NFE2L2: variants seen among roughly 807,000 people sequenced by gnomAD.
NFE2L2 encodes nuclear factor erythroid 2-related factor 2.
A neutral mutation model predicts 49.6 loss-of-function variants in NFE2L2; 20 were observed. The observed-to-expected ratio is 0.40, with a 90% CI of 0.28 to 0.59. NFE2L2 has a LOEUF of 0.59. Ranked by LOEUF, NFE2L2 falls within the 20% of genes least tolerant of loss-of-function variation. NFE2L2 has a pLI of 0.40. For missense variants in NFE2L2, 578 were observed against 714.2 expected (o/e 0.81, Z 2.17); for synonymous variants, 244 against 256.5 (o/e 0.95, Z 0.47).
chr2:177,248,641 T>C (rs542224266), intron 1 of NFE2L2, among the ~76,000 whole-genome samples: 3 of 152,334 alleles, frequency 2.0e-5, no homozygotes, highest in African/African-American at 7.2e-5. Context: ...TCTCCTCACC[T>C]TAGGTGATCC....
intron 1 of NFE2L2, among the ~76,000 whole-genome samples, chr2:177,259,765 T>C (rs1690662371): frequency 6.6e-6 from 1 of 152,072 alleles, no homozygotes. Context: ...ACCCCATCTC[T>C]ACTAAAAATA....
intron 1 of NFE2L2, among the ~76,000 whole-genome samples, chr2:177,237,881 T>C (rs934940082): frequency 6.6e-6 from 1 of 152,194 alleles, no homozygotes; most frequent in African/African-American, 2.4e-5. Context: ...TCTAGATACA[T>C]AGCAGGGTAT....
At chr2:177,261,170 C>CAAAAAAAAA (rs59040355) in intron 1 of NFE2L2, among the ~76,000 whole-genome samples, 12 of 120,038 alleles carry the variant, frequency 1.0e-4, no homozygotes, top group South Asian at 2.9e-4. Context: ...GACTTCATCT[C>CAAAAAAAAA]AAAAAAAAAA....
intron 1 of NFE2L2, among the ~76,000 whole-genome samples, chr2:177,264,146 C>G (rs1051766705): frequency 9.2e-5 from 14 of 152,022 alleles, no homozygotes; most frequent in Non-Finnish European, 1.3e-4. Context: ...CGCGCCGGCT[C>G]AGACGGCCAG....
At chr2:177,263,514 A>C (rs914085767) in intron 1 of NFE2L2, 40 of 985,404 alleles carry the variant, frequency 4.1e-5, no homozygotes, top group South Asian at 4.7e-5. Context: ...TGCGCAACAG[A>C]TCAACAGCTC....
At chr2:177,249,445 G>A (rs1026933065) in intron 1 of NFE2L2, among the ~76,000 whole-genome samples, 1 of 152,120 alleles carries the variant, frequency 6.6e-6, no homozygotes, top group Non-Finnish European at 1.5e-5. Context: ...GCTGGATTAG[G>A]TGACCCCCAA....
intron 1 of NFE2L2, among the ~76,000 whole-genome samples, chr2:177,264,066 G>T (rs1320177545): frequency 6.6e-6 from 1 of 152,080 alleles, no homozygotes; most frequent in East Asian, 1.9e-4. Flanking sequence ...CCCCGAGAGC[G>T]GCCCCGTGAC....
At chr2:177,251,655 G>A (rs547450449) in intron 1 of NFE2L2, among the ~76,000 whole-genome samples, 1 of 152,096 alleles carries the variant, frequency 6.6e-6, no homozygotes, top group Non-Finnish European at 1.5e-5. Flanking sequence ...GAAGACCAAG[G>A]AGAATGAGAG....
chr2:177,242,358 C>T (rs564507496), intron 1 of NFE2L2, among the ~76,000 whole-genome samples: 5 of 152,320 alleles, frequency 3.3e-5, no homozygotes, highest in African/African-American at 1.2e-4. Flanking sequence ...ACAGTTACCA[C>T]GAATCCAAGT....
chr2:177,243,320 G>A (rs935243558), intron 1 of NFE2L2, among the ~76,000 whole-genome samples: 10 of 152,186 alleles, frequency 6.6e-5, no homozygotes, highest in African/African-American at 2.4e-4. Context: ...CAGCTTTGCT[G>A]CCCATGCTGG....
chr2:177,263,912 G>A (rs1238032358), intron 1 of NFE2L2: 3 of 985,504 alleles, frequency 3.0e-6, no homozygotes, highest in African/African-American at 3.5e-5. Context: ...AAGGCTGCCA[G>A]AGAGTGATCC....
intron 3 of NFE2L2, 103 bp from the exon 4 acceptor site, chr2:177,232,686 G>GTC (rs568571467): frequency 1.8e-6 from 2 of 1,131,106 alleles, no homozygotes; most frequent in South Asian, 3.1e-5. Flanking sequence ...GCAGTTCTGT[G>GTC]TCTCTCTACT....
chr2:177,245,920 A>G (rs1690107560), intron 1 of NFE2L2, among the ~76,000 whole-genome samples: 1 of 152,070 alleles, frequency 6.6e-6, no homozygotes, highest in African/African-American at 2.4e-5. Flanking sequence ...TGTAATCTTC[A>G]TTTCTAGATG....
chr2:177,243,940 A>G (rs1690028208), intron 1 of NFE2L2, among the ~76,000 whole-genome samples: 1 of 151,954 alleles, frequency 6.6e-6, no homozygotes, highest in African/African-American at 2.4e-5. Context: ...TGCTGGTGGT[A>G]TGAATTTTAG....
intron 1 of NFE2L2, 75 bp from the exon 2 acceptor site, chr2:177,234,346 A>G (rs1181709752): frequency 4.1e-6 from 6 of 1,472,794 alleles, no homozygotes; most frequent in African/African-American, 2.8e-5. Context: ...ATTAATTCAC[A>G]TTATGCCACT....
Position 177,231,355 on chromosome 2 carries a change from G to T in NFE2L2, c.1248C>A (p.His416Gln), listed in dbSNP as rs371188207. The change falls in exon 5 of 5, where the codon CAC (histidine) becomes CAA (glutamine). Residue 416 changes from histidine (H) to glutamine (Q), a missense_variant. His to Gln is a conservative substitution (Grantham distance 24). Around this residue, in one of 3 missense-constraint regions of NFE2L2, gnomAD observed 368 missense variants for 384.6 expected, o/e 0.96. Coordinates refer to ENST00000397062, the MANE Select transcript of NFE2L2 (RefSeq NM_006164.5). ...PLSPSQGQST[H>Q]VHDAQCENTP... ...TGTTCTCACATTGGGCATCATGCAC[G>T]TGAGTGCTCTGCCCCTGAGATGGTG... The T allele has an allele frequency of 6.2e-7, 1 of 1,614,244 alleles. No individual in the cohort carries two copies. The highest frequency in any genetic ancestry group is 8.5e-7 in the Non-Finnish European group (1 of 1,180,042).
chr2:177,240,258 A>G (rs1206235651), intron 1 of NFE2L2, among the ~76,000 whole-genome samples: 1 of 152,230 alleles, frequency 6.6e-6, no homozygotes, highest in African/African-American at 2.4e-5. Flanking sequence ...GCTTTGAGGA[A>G]GTGCAAGTCC....
At chr2:177,237,163 C>A (rs956303740) in intron 1 of NFE2L2, among the ~76,000 whole-genome samples, 1 of 152,144 alleles carries the variant, frequency 6.6e-6, no homozygotes, top group Non-Finnish European at 1.5e-5. Context: ...CTGTGCTTGG[C>A]CTTTTTCCAA....
At chr2:177,260,773 C>A (rs1486094375) in intron 1 of NFE2L2, among the ~76,000 whole-genome samples, 1 of 148,450 alleles carries the variant, frequency 6.7e-6, no homozygotes, top group African/African-American at 2.4e-5. Context: ...AAGGCAAAGA[C>A]TCCAGTAGCT....
Sources: allele counts gnomAD v4.1 joint callset (sites outside exome capture counted in the v4.1 genomes callset), GRCh38; gene constraint gnomAD v4.1.1; regional missense constraint gnomAD v4.1.1; transcripts MANE v1.5; gene names NCBI Gene and HGNC (gene_info 2026-07-23, HGNC 2026-07-21).